IDO2: variants seen among roughly 807,000 people sequenced by gnomAD.
IDO2 encodes the protein indoleamine 2,3-dioxygenase-like 1 protein.
Under a neutral mutation model 45.1 loss-of-function variants are expected in IDO2, and 46 were observed. That is an observed-to-expected ratio of 1.02 (90% CI 0.80 to 1.30). The LOEUF (loss-of-function observed/expected upper bound fraction) is 1.30, where lower values mean the gene tolerates loss of function less well. IDO2 is among the 50% of genes most tolerant of loss of function. The pLI is 0.00. For missense variants in IDO2, 544 were observed against 491.8 expected (o/e 1.11, Z -1.00); for synonymous variants, 218 against 184.9 (o/e 1.18, Z -1.45).
intron 9 of IDO2, among the ~76,000 whole-genome samples, chr8:40,009,670 C>T (rs1554549903): frequency 6.6e-6 from 1 of 152,140 alleles, no homozygotes; most frequent in Non-Finnish European, 1.5e-5. Flanking sequence ...AATTACCAAC[C>T]TAGAGAACAT....
At chr8:40,013,230 G>A (rs578223131) in intron 9 of IDO2, among the ~76,000 whole-genome samples, 4 of 152,266 alleles carry the variant, frequency 2.6e-5, no homozygotes, top group Admixed American at 2.0e-4. Flanking sequence ...CCTAAAATGT[G>A]CCTTTTGACC....
At chr8:39,953,043 C>T (rs1182223730) in intron 2 of IDO2, among the ~76,000 whole-genome samples, 3 of 152,080 alleles carry the variant, frequency 2.0e-5, no homozygotes, top group Non-Finnish European at 4.4e-5. Flanking sequence ...TCAAGGATTA[C>T]AGCCATGAAC....
intron 3 of IDO2, among the ~76,000 whole-genome samples, chr8:39,969,207 T>A (rs1472308422): frequency 6.6e-6 from 1 of 152,236 alleles, no homozygotes; most frequent in African/African-American, 2.4e-5. Context: ...CAAGCAAGTC[T>A]GTCAACCCCA....
At chr8:39,963,698 G>A in exon 3 of IDO2, 1 of 1,597,860 alleles carries the variant, frequency 6.3e-7, no homozygotes, top group Non-Finnish European at 8.6e-7. Context: ...AGCTCATGTG[G>A]ACAAGGTATT....
At chr8:39,963,147 G>T (rs1410998119) in intron 2 of IDO2, among the ~76,000 whole-genome samples, 1 of 152,118 alleles carries the variant, frequency 6.6e-6, no homozygotes, top group African/African-American at 2.4e-5. Context: ...CTTTGTCCCA[G>T]GAAGCACCTA....
At chr8:39,985,481 G>A in intron 5 of IDO2, 27 bp from the exon 6 acceptor site, 1 of 1,549,278 alleles carries the variant, frequency 6.5e-7, no homozygotes, top group Non-Finnish European at 8.8e-7. Context: ...CTCTCTTGGT[G>A]GTCATCAATA....
chr8:39,942,875 G>C (rs1180034519), intron 1 of IDO2, among the ~76,000 whole-genome samples: 1 of 152,046 alleles, frequency 6.6e-6, no homozygotes, highest in African/African-American at 2.4e-5. Context: ...TTCTTGAGAA[G>C]GTGCAGAGGG....
exon 1 of IDO2, chr8:39,934,793 C>G: frequency 1.0e-5 from 3 of 298,980 alleles, no homozygotes. Context: ...GGAGTGGCAG[C>G]CAGAGAACTG....
intron 9 of IDO2, 80 bp downstream of exon 9, chr8:40,005,458 C>A: frequency 3.3e-6 from 3 of 897,008 alleles, no homozygotes. Flanking sequence ...GAGACAGAAG[C>A]TTCCTAGCGT....
At chr8:39,956,274 C>G (rs1334096884) in intron 2 of IDO2, among the ~76,000 whole-genome samples, 1 of 152,054 alleles carries the variant, frequency 6.6e-6, no homozygotes, top group Admixed American at 6.6e-5. Flanking sequence ...GTTGGCCAGG[C>G]TGATCTCCAA....
intron 3 of IDO2, 134 bp from the exon 4 acceptor site, chr8:39,978,933 T>C (rs1258526760): frequency 5.0e-6 from 4 of 801,956 alleles, no homozygotes; most frequent in Non-Finnish European, 7.9e-6. Context: ...TGCGGGCTCT[T>C]TGTACCTTCA....
At chr8:39,955,711 C>T (rs1807882326) in intron 2 of IDO2, among the ~76,000 whole-genome samples, 1 of 152,134 alleles carries the variant, frequency 6.6e-6, no homozygotes, top group African/African-American at 2.4e-5. Flanking sequence ...AGAAATCTCC[C>T]AATGTCAGGT....
At chr8:40,013,858 G>A in intron 10 of IDO2, 145 bp downstream of exon 10, 4 of 610,658 alleles carry the variant, frequency 6.6e-6, no homozygotes, top group Non-Finnish European at 1.1e-5. Context: ...CTGCATGACT[G>A]CCAATGTTTT....
intron 3 of IDO2, among the ~76,000 whole-genome samples, chr8:39,977,096 A>G (rs1808269995): frequency 6.6e-6 from 1 of 152,236 alleles, no homozygotes; most frequent in African/African-American, 2.4e-5. Flanking sequence ...AATGAACTAA[A>G]AAAAATTTTA....
chr8:39,985,138 C>T (rs1052072205), intron 5 of IDO2: 4 of 316,066 alleles, frequency 1.3e-5, no homozygotes, highest in African/African-American at 4.4e-5. Context: ...ACCACGTTGG[C>T]CAGTCTGGTA....
intron 10 of IDO2, among the ~76,000 whole-genome samples, chr8:40,014,290 T>C (rs1802354144): frequency 1.3e-5 from 2 of 152,206 alleles, no homozygotes; most frequent in East Asian, 1.9e-4. Flanking sequence ...GTGTCGTAGA[T>C]TCAAGTCACT....
At chr8:40,013,634 C>T (rs1179142869) in exon 10 of IDO2, 1 of 1,613,916 alleles carries the variant, frequency 6.2e-7, no homozygotes, top group South Asian at 1.1e-5. Flanking sequence ...CCCTGAAATA[C>T]TCCGGCGGGA....
At chr8:40,015,851 A>G in exon 11 of IDO2, 1 of 446,128 alleles carries the variant, frequency 2.2e-6, no homozygotes, top group South Asian at 6.1e-5. Flanking sequence ...TTCCTCATGC[A>G]GAACCCCCAG....
exon 11 of IDO2, chr8:40,015,473 G>A: frequency 6.2e-7 from 1 of 1,613,982 alleles, no homozygotes; most frequent in Non-Finnish European, 8.5e-7. Flanking sequence ...CAAAGCATGG[G>A]AAGCCAAACC....
Sources: gnomAD v4.1 joint callset for allele counts (sites outside exome capture counted in the v4.1 genomes callset) on GRCh38, gnomAD v4.1.1 for gene constraint, MANE v1.5 for transcripts, NCBI Gene and HGNC (gene_info 2026-07-23, HGNC 2026-07-21) for gene names.